CASQ1: variants seen among roughly 807,000 people sequenced by gnomAD.
The protein encoded by CASQ1 is calsequestrin-1.
Under a neutral mutation model 49.5 loss-of-function variants are expected in CASQ1, and 40 were observed. The ratio of observed to expected loss-of-function variants is 0.81; its 90% confidence interval spans 0.63 to 1.05. The LOEUF (loss-of-function observed/expected upper bound fraction) is 1.05. Ranked by LOEUF, CASQ1 falls within the 50% of genes least tolerant of loss-of-function variation. The pLI, the probability that CASQ1 is intolerant of heterozygous loss-of-function variation, is 0.00. For missense variants in CASQ1, 469 were observed against 486.9 expected (o/e 0.96, Z 0.35); for synonymous variants, 174 against 187.2 (o/e 0.93, Z 0.58).
intron 7 of CASQ1, among the ~76,000 whole-genome samples, chr1:160,198,036 G>A (rs1325853458): frequency 1.3e-5 from 2 of 151,848 alleles, no homozygotes; most frequent in African/African-American, 4.8e-5. Context: ...AGAAAAAACA[G>A]TGCACTAGCA....
chr1:160,199,808 T>C (rs773888013), intron 9 of CASQ1, 43 bp from the exon 10 acceptor site: 11 of 1,304,596 alleles, frequency 8.4e-6, no homozygotes, highest in Non-Finnish European at 1.2e-5. Context: ...ATTCATGTGC[T>C]CCCTAGTATC....
intron 1 of CASQ1, chr1:160,192,569 C>G: frequency 2.0e-6 from 1 of 500,800 alleles, no homozygotes; most frequent in Non-Finnish European, 3.6e-6. Flanking sequence ...TCTTCAAGTC[C>G]AACATAATAA....
At chr1:160,193,970 C>T in intron 3 of CASQ1, 123 bp downstream of exon 3, 1 of 656,892 alleles carries the variant, frequency 1.5e-6, no homozygotes, top group East Asian at 2.8e-5. Flanking sequence ...ACCACACGCA[C>T]ACACACCATA....
chr1:160,198,994 G>A lies in CASQ1; in HGVS notation c.925G>A (p.Asp309Asn), dbSNP rs1046507393. Residue 309 changes from aspartate (D) to asparagine (N), a missense_variant, in exon 9 of 11, where the codon GAT (aspartate) becomes AAT (asparagine). Asp to Asn is a conservative substitution (Grantham distance 23). Transcript: ENST00000368078. ...AGAGACTCTCAAGGCTGTGGCCCAAGATAACACTGAAAACCCAGATCTTAG... is the reference window on the plus strand; with the variant it reads ...AGAGACTCTCAAGGCTGTGGCCCAAAATAACACTGAAAACCCAGATCTTAG... The part of the protein sequence containing the change: ...FLETLKAVAQ[D>N]NTENPDLSII... 8 of 1,613,736 alleles carry A rather than the reference G, an allele frequency of 5.0e-6. No individual in the cohort carries two copies. Among genetic ancestry groups the A allele is most frequent in the Admixed American group, 3.3e-5 (2 of 60,018 alleles).
chr1:160,199,793 C>T (rs1445541080), intron 9 of CASQ1, 58 bp from the exon 10 acceptor site: 5 of 1,196,928 alleles, frequency 4.2e-6, no homozygotes, highest in African/African-American at 3.0e-5. Context: ...CACTCATCCT[C>T]CTGGATTCAT....
chr1:160,195,316 T>C (rs1291158862), intron 4 of CASQ1, 145 bp from the exon 5 acceptor site: 2 of 805,252 alleles, frequency 2.5e-6, no homozygotes, highest in East Asian at 5.2e-5. Flanking sequence ...CCTCCAGTAT[T>C]CCACCTTCCC....
chr1:160,195,163 C>A, intron 4 of CASQ1, 40 bp downstream of exon 4: 2 of 1,250,660 alleles, frequency 1.6e-6, no homozygotes, highest in African/African-American at 1.5e-5. Context: ...CTCTCTGGAT[C>A]CCCATCTCAC....
chr1:160,190,999 G>A lies in CASQ1; in HGVS notation c.248G>A (p.Arg83Lys). The change falls in exon 1 of 11, where the codon AGA becomes AAA. Residue 83 changes from arginine (R) to lysine (K), a missense_variant. Physicochemically the swap from Arg to Lys is conservative, Grantham distance 26. Transcript: ENST00000368078. ...CCCGAGGATGACAAGGCCTCACAAA[G>A]ACAATTTGAGATGGAGGAGCTGATC... is the stretch of plus-strand genomic sequence containing the variant. ...EPPEDDKASQ[R>K]QFEMEELILE... The A allele has an allele frequency of 6.2e-7, 1 of 1,614,150 alleles. No individual in the cohort carries two copies. Among genetic ancestry groups the A allele is most frequent in the Non-Finnish European group, 8.5e-7 (1 of 1,180,014 alleles).
rs751402289 is a variant in CASQ1, at chr1:160,195,977, C to T, written c.732C>T (p.Asp244=). 2.9e-5 allele frequency: 47 copies of T among 1,614,034 alleles called. No individual in the cohort carries two copies. Among genetic ancestry groups the T allele is most frequent in the Non-Finnish European group, 3.5e-5 (41 of 1,180,016 alleles). ...TGGAAGAGCCTGTGACCATCCCAGA[C>T]AAGCCCAATAGCGAAGAGGAGATTG... ...AFMEEPVTIP[D]KPNSEEEIVN... is the part of the protein sequence containing the mutation. The change falls in exon 6 of 11, where the codon GAC becomes GAT. Residue 244 remains aspartate, a synonymous_variant. Coordinates refer to ENST00000368078, the MANE Select transcript of CASQ1 (RefSeq NM_001231.5).
At chr1:160,195,695 AG>A (rs1654208391) in intron 5 of CASQ1, among the ~76,000 whole-genome samples, 161 bp downstream of exon 5, 1 of 147,870 alleles carries the variant, frequency 6.8e-6, no homozygotes. Context: ...TTAGAGCTGA[AG>A]AGGGGCTTTA....
chr1:160,196,553 C>G (rs955951575), intron 6 of CASQ1, among the ~76,000 whole-genome samples: 3 of 151,926 alleles, frequency 2.0e-5, no homozygotes, highest in African/African-American at 7.3e-5. Flanking sequence ...TCTTGGCTCA[C>G]TGCAGCCTCC....
At position 160,195,126 on chromosome 1, in the gene CASQ1, G is replaced by T; in HGVS notation, c.577+3G>T. 6.3e-7 allele frequency: 1 copy of T among 1,584,596 alleles called. No homozygotes were observed. Among genetic ancestry groups the T allele is most frequent in the Non-Finnish European group, 8.6e-7 (1 of 1,157,422 alleles). ...CTTCAAGAGCAAAGACTCAGAGCGTGGGTAACCCTCAGACTCCACTGTGCC... is the reference window on the plus strand; with the variant it reads ...CTTCAAGAGCAAAGACTCAGAGCGTTGGTAACCCTCAGACTCCACTGTGCC... On this transcript the variant is annotated splice_donor_region_variant and intron_variant, in intron 4 of 10. Coordinates refer to ENST00000368078, the MANE Select transcript of CASQ1 (RefSeq NM_001231.5).
chr1:160,193,818 G>A lies in CASQ1; in HGVS notation c.436G>A (p.Ala146Thr). ...CATTGAGTACGATGGCGAGTTTTCT[G>A]CTGACACCATCGTGGAGTTTCTGCT... ...EVIEYDGEFSADTIVEFLLDV... is the reference protein window; with the variant it reads ...EVIEYDGEFSTDTIVEFLLDV... The change falls in exon 3 of 11, where the codon GCT (alanine) becomes ACT (threonine). Residue 146 changes from alanine to threonine, a missense_variant. Ala to Thr is a moderately conservative substitution (Grantham distance 58). Coordinates refer to ENST00000368078, the MANE Select transcript of CASQ1 (RefSeq NM_001231.5). 1 of 1,612,708 alleles carries A rather than the reference G, an allele frequency of 6.2e-7. No individual in the cohort carries two copies. Among genetic ancestry groups the A allele is most frequent in the African/African-American group, 1.3e-5 (1 of 74,876 alleles).
intron 2 of CASQ1, among the ~76,000 whole-genome samples, chr1:160,193,181 A>G (rs1654118846): frequency 6.6e-6 from 1 of 152,132 alleles, no homozygotes; most frequent in Non-Finnish European, 1.5e-5. Context: ...GAGTCGGGGA[A>G]TACAGGCGGG....
At position 160,201,374 on chromosome 1, in the gene CASQ1, T is replaced by A; in HGVS notation, c.1189T>A (p.Ter397LysextTer54). 6.2e-7 allele frequency: 1 copy of A among 1,613,818 alleles called. No individual in the cohort carries two copies. Among genetic ancestry groups the A allele is most frequent in the Non-Finnish European group, 8.5e-7 (1 of 1,179,842 alleles). The change falls in exon 11 of 11, where the codon TAG (stop) becomes AAG (lysine). Residue 397 changes from the stop codon to lysine (K), a stop_lost. Transcript: ENST00000368078. Reference protein sequence around the residue: ...TEDDDDDDDD* With the variant: ...TEDDDDDDDDK ...GGACGATGACGATGATGATGATGAC[T>A]AGTTGCTATGGCAACCATCTTTCAG...
intron 2 of CASQ1, 45 bp downstream of exon 2, chr1:160,192,931 A>T: frequency 1.3e-6 from 2 of 1,532,352 alleles, no homozygotes; most frequent in Non-Finnish European, 1.8e-6. Context: ...CATTGAGACA[A>T]GGGGAGGCTT....
chr1:160,193,692 G>A, intron 2 of CASQ1, 55 bp from the exon 3 acceptor site: 2 of 1,043,416 alleles, frequency 1.9e-6, no homozygotes, highest in Non-Finnish European at 2.9e-6. Flanking sequence ...TGAATCTGTG[G>A]GAAGCCTGGG....
In CASQ1 at chr1:160,192,816, C is replaced by T; in HGVS notation, c.294C>T (p.Val98=). 1 of 1,613,984 alleles carries T rather than the reference C, an allele frequency of 6.2e-7. No homozygotes were observed. Among genetic ancestry groups the T allele is most frequent in the Non-Finnish European group, 8.5e-7 (1 of 1,179,904 alleles). Residue 98 remains valine, a synonymous_variant, in exon 2 of 11, where the codon GTC becomes GTT. Transcript: ENST00000368078. ...EELILELAAQ[V]LEDKGVGFGL... ...CTTCCCTCCAGTTAGCAGCCCAAGT[C>T]CTAGAAGACAAGGGTGTTGGCTTCG... is the stretch of plus-strand genomic sequence containing the variant.
At chr1:160,198,918 C>A in intron 8 of CASQ1, 35 bp from the exon 9 acceptor site, 1 of 1,389,864 alleles carries the variant, frequency 7.2e-7, no homozygotes, top group Non-Finnish European at 1.0e-6. Flanking sequence ...TTCCTCTCTA[C>A]ACACCTCATA....
Sources: gnomAD v4.1 joint callset for allele counts (sites outside exome capture counted in the v4.1 genomes callset) on GRCh38, gnomAD v4.1.1 for gene constraint, MANE v1.5 for transcripts, NCBI Gene and HGNC (gene_info 2026-07-23, HGNC 2026-07-21) for gene names.